Variants in SEMA6D observed in about 807,000 individuals in gnomAD.
SEMA6D encodes semaphorin 6D.
In SEMA6D, 35 loss-of-function variants were observed where a neutral mutation model predicts 106.6. That is an observed-to-expected ratio of 0.33 (90% CI 0.25 to 0.44). The LOEUF (loss-of-function observed/expected upper bound fraction) is 0.44, where lower values mean the gene tolerates loss of function less well. SEMA6D is among the 20% of genes least tolerant of loss of function. SEMA6D has a pLI of 1.00. For missense variants in SEMA6D, 1,185 were observed against 1,345.9 expected (o/e 0.88, Z 1.87); for synonymous variants, 499 against 487.7 (o/e 1.02, Z -0.31).
chr15:47,363,147 T>C (rs1595828649), intron 1 of SEMA6D, among the ~76,000 whole-genome samples: 1 of 152,196 alleles, frequency 6.6e-6, no homozygotes, highest in South Asian at 2.1e-4. Flanking sequence ...CTTTAGGAGA[T>C]AGATAATATT....
chr15:47,560,650 T>C (rs1456299168), intron 3 of SEMA6D, among the ~76,000 whole-genome samples: 1 of 152,100 alleles, frequency 6.6e-6, no homozygotes, highest in Non-Finnish European at 1.5e-5. Flanking sequence ...TATTATGAGG[T>C]GAATTCTGTT....
At chr15:47,756,896 A>AT (rs71719777) in intron 1 of SEMA6D, among the ~76,000 whole-genome samples, 7,930 of 133,578 alleles carry the variant, frequency 0.059, 559 homozygotes, top group African/African-American at 0.17. Flanking sequence ...TCTGAATGTA[A>AT]TTTTTTTTTT....
chr15:47,368,581 CT>C (rs1567032076), intron 1 of SEMA6D, among the ~76,000 whole-genome samples: 1 of 151,980 alleles, frequency 6.6e-6, no homozygotes, highest in Non-Finnish European at 1.5e-5. Context: ...CGCCATTCTC[CT>C]GCCTCAGCCT....
intron 1 of SEMA6D, among the ~76,000 whole-genome samples, chr15:47,318,026 T>C (rs1485843343): frequency 7.5e-6 from 1 of 133,106 alleles, no homozygotes; most frequent in African/African-American, 3.5e-5. Context: ...CCACAGTTCT[T>C]TTTTTTTTTT....
intron 3 of SEMA6D, among the ~76,000 whole-genome samples, chr15:47,509,525 C>T (rs1234296834): frequency 6.6e-6 from 1 of 152,168 alleles, no homozygotes; most frequent in Non-Finnish European, 1.5e-5. Flanking sequence ...AGGCTCCCTG[C>T]CATGACATTG....
intron 1 of SEMA6D, among the ~76,000 whole-genome samples, chr15:47,393,870 C>G (rs1260281479): frequency 6.6e-6 from 1 of 152,140 alleles, no homozygotes; most frequent in African/African-American, 2.4e-5. Context: ...TTATGTAAAG[C>G]TTTGTGCTTT....
chr15:47,727,829 C>G (rs2079857439), intron 1 of SEMA6D, among the ~76,000 whole-genome samples: 5 of 152,192 alleles, frequency 3.3e-5, no homozygotes, highest in Non-Finnish European at 7.3e-5. Context: ...TAAGGGTAAT[C>G]AAACTTCATG....
intron 1 of SEMA6D, among the ~76,000 whole-genome samples, chr15:47,231,031 T>C (rs2032157146): frequency 6.6e-6 from 1 of 152,014 alleles, no homozygotes; most frequent in South Asian, 2.1e-4. Context: ...AGGCCTTGTT[T>C]CTTCACTTTT....
chr15:47,440,259 A>G (rs2041842321), intron 2 of SEMA6D, among the ~76,000 whole-genome samples: 2 of 152,096 alleles, frequency 1.3e-5, no homozygotes, highest in Admixed American at 6.6e-5. Flanking sequence ...GATGGCTTCC[A>G]TGAGTTAGGA....
intron 1 of SEMA6D, among the ~76,000 whole-genome samples, chr15:47,370,108 T>G (rs2039213561): frequency 6.6e-6 from 1 of 152,262 alleles, no homozygotes; most frequent in Non-Finnish European, 1.5e-5. Context: ...CTGGTCATTC[T>G]CAAGGTTTCA....
intron 3 of SEMA6D, 140 bp downstream of exon 3, chr15:47,760,555 T>C: frequency 1.5e-6 from 1 of 660,018 alleles, no homozygotes; most frequent in South Asian, 2.0e-5. Flanking sequence ...CTGAGAAGAG[T>C]CAGTGTTGTG....
At chr15:47,243,737 G>A (rs904479943) in intron 1 of SEMA6D, among the ~76,000 whole-genome samples, 1 of 152,080 alleles carries the variant, frequency 6.6e-6, no homozygotes, top group Non-Finnish European at 1.5e-5. Flanking sequence ...CTAGCAACTG[G>A]TGCTTTCTTG....
intron 4 of SEMA6D, among the ~76,000 whole-genome samples, chr15:47,606,870 C>T (rs1217372124): frequency 1.3e-5 from 2 of 152,222 alleles, no homozygotes; most frequent in African/African-American, 2.4e-5. Context: ...GCTATGTGTC[C>T]CATTCAGACT....
At chr15:47,432,611 A>ACCTATATGCATATGTATATACATATACC in intron 2 of SEMA6D, among the ~76,000 whole-genome samples, 1 of 152,044 alleles carries the variant, frequency 6.6e-6, no homozygotes. Flanking sequence ...ATACATATAC[A>ACCTATATGCATATGTATATACATATACC]CACACAATTA....
At chr15:47,764,147 C>T (rs776197376) in intron 10 of SEMA6D, 27 bp from the exon 11 acceptor site, 1 of 1,613,138 alleles carries the variant, frequency 6.2e-7, no homozygotes, top group South Asian at 1.1e-5. Flanking sequence ...TCGCCAGCCT[C>T]TTCCTGATGA....
intron 1 of SEMA6D, chr15:47,718,547 C>T (rs2079226385): frequency 6.6e-6 from 1 of 152,294 alleles, no homozygotes; most frequent in African/African-American, 2.4e-5. Context: ...GGGCGGACTC[C>T]CGGGCCCGGA....
intron 1 of SEMA6D, among the ~76,000 whole-genome samples, chr15:47,298,135 A>G (rs75085676): frequency 0.019 from 2,960 of 152,280 alleles, 48 homozygotes; most frequent in Middle Eastern, 0.034. Context: ...TTGGTAAGTA[A>G]TGGGAATGAT....
intron 1 of SEMA6D, among the ~76,000 whole-genome samples, chr15:47,259,554 G>C (rs1354048275): frequency 1.9e-4 from 29 of 151,524 alleles, no homozygotes; most frequent in Admixed American, 1.9e-3. Context: ...TCATTCAAAT[G>C]GTTTTCCCCC....
chr15:47,414,177 G>A (rs1019496047), intron 2 of SEMA6D, among the ~76,000 whole-genome samples: 2 of 152,110 alleles, frequency 1.3e-5, no homozygotes, highest in African/African-American at 4.8e-5. Flanking sequence ...GTAAATGAAT[G>A]TATCATTATG....
Sources: allele counts gnomAD v4.1 joint callset (sites outside exome capture counted in the v4.1 genomes callset), GRCh38; gene constraint gnomAD v4.1.1; transcripts MANE v1.5; gene names NCBI Gene and HGNC (gene_info 2026-07-23, HGNC 2026-07-21).